Variants in DPP10 observed in about 807,000 individuals in gnomAD.
DPP10 encodes inactive dipeptidyl peptidase 10.
DPP10 carries 33 observed loss-of-function variants against 120.9 expected under a neutral mutation model. The observed-to-expected ratio is 0.27, with a 90% CI of 0.21 to 0.37. DPP10 has a LOEUF of 0.37. Among genes scored for constraint, DPP10 ranks in the 10% least tolerant of loss-of-function variants. The pLI, the probability that DPP10 is intolerant of heterozygous loss-of-function variation, is 1.00. For synonymous variants in DPP10, 337 were observed against 326.1 expected, an observed-to-expected ratio of 1.03 and a Z score of -0.36; for missense variants, 816 against 942.8, an observed-to-expected ratio of 0.87 and a Z score of 1.76.
intron 1 of DPP10, among the ~76,000 whole-genome samples, chr2:114,471,716 T>G (rs1313439937): frequency 6.6e-6 from 1 of 152,220 alleles, no homozygotes; most frequent in Non-Finnish European, 1.5e-5. Flanking sequence ...TCTCCTATTG[T>G]CAACTTAAAT....
At chr2:114,683,692 G>A (rs1009346189) in intron 1 of DPP10, among the ~76,000 whole-genome samples, 1 of 151,486 alleles carries the variant, frequency 6.6e-6, no homozygotes, top group Non-Finnish European at 1.5e-5. Flanking sequence ...GGTTTTCTTC[G>A]TATCTGATTG....
chr2:115,632,048 G>T (rs2085916503), intron 5 of DPP10, among the ~76,000 whole-genome samples: 1 of 152,128 alleles, frequency 6.6e-6, no homozygotes, highest in Non-Finnish European at 1.5e-5. Context: ...GGGAATCTAA[G>T]TCTCTTTGTA....
intron 1 of DPP10, among the ~76,000 whole-genome samples, chr2:114,602,478 A>C (rs1033274524): frequency 2.0e-5 from 3 of 152,008 alleles, no homozygotes; most frequent in Admixed American, 1.3e-4. Flanking sequence ...TATCATCATC[A>C]TCCCAGCTCA....
chr2:114,835,441 G>GTA (rs1467176690), intron 1 of DPP10: 1 of 151,944 alleles, frequency 6.6e-6, no homozygotes, highest in Non-Finnish European at 1.5e-5. Context: ...ACACACCTAT[G>GTA]TATATATAAG....
chr2:114,582,998 C>T (rs960088907), intron 1 of DPP10, among the ~76,000 whole-genome samples: 1 of 152,084 alleles, frequency 6.6e-6, no homozygotes, highest in Admixed American at 6.5e-5. Context: ...TTTGTTGGGG[C>T]CTGGGAATCT....
At chr2:114,655,757 C>T (rs1696922133) in intron 1 of DPP10, among the ~76,000 whole-genome samples, 1 of 151,872 alleles carries the variant, frequency 6.6e-6, no homozygotes, top group Admixed American at 6.6e-5. Flanking sequence ...AATGTAAGGA[C>T]CTCCATATAA....
chr2:115,797,616 T>G (rs1168224154), intron 19 of DPP10, among the ~76,000 whole-genome samples: 2 of 152,008 alleles, frequency 1.3e-5, no homozygotes, highest in Non-Finnish European at 2.9e-5. Context: ...ATGGAGAATG[T>G]ACCCACACTG....
At chr2:115,300,370 A>G (rs1293463631) in intron 1 of DPP10, among the ~76,000 whole-genome samples, 2 of 152,056 alleles carry the variant, frequency 1.3e-5, no homozygotes, top group African/African-American at 4.8e-5. Flanking sequence ...CAGTGTTTTT[A>G]AAGTTCATCT....
intron 1 of DPP10, among the ~76,000 whole-genome samples, chr2:114,985,852 T>TA (rs1336888340): frequency 2.6e-5 from 4 of 152,238 alleles, no homozygotes; most frequent in Non-Finnish European, 5.9e-5. Context: ...AATGCATCTG[T>TA]ATTTGGTAAT....
At chr2:114,847,083 C>A (rs1318416401) in intron 1 of DPP10, among the ~76,000 whole-genome samples, 1 of 149,434 alleles carries the variant, frequency 6.7e-6, no homozygotes, top group African/African-American at 2.6e-5. Context: ...ATATCATATC[C>A]TTGAAACCTG....
At chr2:115,702,127 G>C (rs535849604) in intron 7 of DPP10, among the ~76,000 whole-genome samples, 2 of 151,940 alleles carry the variant, frequency 1.3e-5, no homozygotes, top group Non-Finnish European at 2.9e-5. Flanking sequence ...GTGACACAAT[G>C]ACCTTGAGGA....
chr2:115,753,151 T>C (rs1678964292), intron 10 of DPP10, 23 bp from the exon 11 acceptor site: 1 of 1,604,434 alleles, frequency 6.2e-7, no homozygotes, highest in South Asian at 1.1e-5. Context: ...TAAACATACA[T>C]TTTAATTTTG....
intron 5 of DPP10, among the ~76,000 whole-genome samples, chr2:115,670,161 C>T (rs559718704): frequency 2.0e-5 from 3 of 152,128 alleles, no homozygotes; most frequent in African/African-American, 7.2e-5. Flanking sequence ...TATAAGGGCA[C>T]TAATCCCATC....
chr2:115,587,628 T>C (rs2082379780), intron 5 of DPP10, among the ~76,000 whole-genome samples: 1 of 152,192 alleles, frequency 6.6e-6, no homozygotes. Context: ...ATAGCCAAGA[T>C]ATAGAAACAA....
chr2:115,040,140 G>A (rs149953429), intron 1 of DPP10, among the ~76,000 whole-genome samples: 108 of 152,150 alleles, frequency 7.1e-4, no homozygotes, highest in East Asian at 2.0e-3. Context: ...CCAATTAGCC[G>A]TTCAAAGACT....
At chr2:114,627,724 A>C (rs1476071081) in intron 1 of DPP10, among the ~76,000 whole-genome samples, 1 of 152,166 alleles carries the variant, frequency 6.6e-6, no homozygotes, top group African/African-American at 2.4e-5. Context: ...GAAGAGGTGC[A>C]GTATTTTTGA....
At chr2:115,083,852 A>C (rs893625864) in intron 1 of DPP10, among the ~76,000 whole-genome samples, 1 of 152,198 alleles carries the variant, frequency 6.6e-6, no homozygotes, top group African/African-American at 2.4e-5. Context: ...TAAACCTGAA[A>C]TCTGTTTGCC....
intron 1 of DPP10, among the ~76,000 whole-genome samples, chr2:114,881,498 CTCTG>C (rs70941012): frequency 6.7e-6 from 1 of 149,008 alleles, no homozygotes; most frequent in Non-Finnish European, 1.5e-5. Flanking sequence ...TATCATATCT[CTCTG>C]TCTGTCTGTC....
At chr2:115,241,260 C>T (rs1318582930) in intron 1 of DPP10, among the ~76,000 whole-genome samples, 6 of 147,714 alleles carry the variant, frequency 4.1e-5, no homozygotes, top group South Asian at 4.3e-4. Context: ...CAGAGCGAGA[C>T]TCTATCTCAA....
Sources: gnomAD v4.1 joint callset for allele counts (sites outside exome capture counted in the v4.1 genomes callset) on GRCh38, gnomAD v4.1.1 for gene constraint, MANE v1.5 for transcripts, NCBI Gene and HGNC (gene_info 2026-07-23, HGNC 2026-07-21) for gene names.